TMEM182: variants seen among roughly 807,000 people sequenced by gnomAD.
TMEM182 encodes the protein transmembrane protein 182.
Under a neutral mutation model 26.8 loss-of-function variants are expected in TMEM182, and 20 were observed. That is an observed-to-expected ratio of 0.75 (90% confidence interval 0.53 to 1.09). TMEM182 has a LOEUF of 1.09. TMEM182 is among the 50% of genes least tolerant of loss of function. TMEM182 has a pLI of 0.00. For missense variants in TMEM182, 277 were observed against 275.5 expected (o/e 1.01, Z -0.04); for synonymous variants, 109 against 102.2 (o/e 1.07, Z -0.40).
intron 3 of TMEM182, among the ~76,000 whole-genome samples, chr2:102,774,921 T>C (rs1680846424): frequency 6.6e-6 from 1 of 152,228 alleles, no homozygotes; most frequent in African/African-American, 2.4e-5. Flanking sequence ...TTTAAAAAAA[T>C]TGTTTTACTT....
intron 3 of TMEM182, among the ~76,000 whole-genome samples, chr2:102,766,296 G>T (rs573443538): frequency 1.3e-5 from 2 of 152,278 alleles, no homozygotes; most frequent in African/African-American, 4.8e-5. Context: ...AAATTATACT[G>T]CAGTTACACT....
chr2:102,778,834 C>T (rs2732855), intron 3 of TMEM182, among the ~76,000 whole-genome samples: 85,427 of 151,892 alleles, frequency 0.56, 24,947 homozygotes, highest in African/African-American at 0.72. Context: ...GAGAACTGCA[C>T]GCAACATCTT....
rs145899800 is a variant in TMEM182 at position 102,824,023 on chromosome 2, G to A, written c.326-19389G>A. On this transcript the variant is annotated intron_variant, in intron 3 of 3. Transcript: ENST00000486293. ...AAAGTGCAGCTTATGAAAGAGAGGT[G>A]TGAAATAAAAGATTCAGAAAGAGGG... 2.1e-3 allele frequency among the ~76,000 whole-genome samples: 313 copies of A among 152,326 alleles called. 3 individuals carry two copies. The highest frequency in any genetic ancestry group is 7.2e-3 in the African/African-American group (299 of 41,572).
intron 3 of TMEM182, among the ~76,000 whole-genome samples, chr2:102,793,717 A>G (rs1031682870): frequency 1.3e-5 from 2 of 152,202 alleles, no homozygotes; most frequent in African/African-American, 4.8e-5. Flanking sequence ...TACAATTTGT[A>G]TGATTTTTAT....
chr2:102,813,827 G>A (rs146154928), intron 4 of TMEM182, among the ~76,000 whole-genome samples: 8 of 152,236 alleles, frequency 5.3e-5, no homozygotes, highest in South Asian at 2.1e-4. Flanking sequence ...TTACAGTTAC[G>A]TTGTAATTGT....
At chr2:102,813,938 TTCTC>T (rs1263493725) in intron 4 of TMEM182, among the ~76,000 whole-genome samples, 2 of 151,884 alleles carry the variant, frequency 1.3e-5, no homozygotes, top group African/African-American at 2.4e-5. Flanking sequence ...CCTTCCTTCA[TTCTC>T]TCTCTTTCTT....
upstream of TMEM182, among the ~76,000 whole-genome samples, chr2:102,761,494 A>G (rs536845176): frequency 6.6e-6 from 1 of 152,320 alleles, no homozygotes; most frequent in African/African-American, 2.4e-5. Context: ...GCTCTTCTTT[A>G]TACTTTCAAC....
chr2:102,811,058 CAAAAAAAAAA>C (rs10629082), intron 4 of TMEM182, among the ~76,000 whole-genome samples: 3 of 94,466 alleles, frequency 3.2e-5, no homozygotes, highest in Admixed American at 1.2e-4. Context: ...TCCTCTATAG[CAAAAAAAAAA>C]AAAAAAAAAA....
At chr2:102,758,538 A>G (rs1680113756), upstream of TMEM182, 1 of 715,516 alleles carries the variant, frequency 1.4e-6, no homozygotes, top group African/African-American at 1.7e-5. Context: ...GATGGTTTGA[A>G]AACATCTGTA....
At chr2:102,783,662 G>A (rs779056042) in intron 3 of TMEM182, among the ~76,000 whole-genome samples, 9 of 152,184 alleles carry the variant, frequency 5.9e-5, no homozygotes, top group Admixed American at 2.0e-4. Context: ...TGCTCTTTTA[G>A]TTCCAGCAAC....
chr2:102,789,750 C>A (rs116810398), intron 3 of TMEM182, among the ~76,000 whole-genome samples: 2,356 of 152,152 alleles, frequency 0.015, 68 homozygotes, highest in African/African-American at 0.054. Flanking sequence ...TCTTGAGTAC[C>A]CCCTGACACC....
At chr2:102,745,121 T>C (rs1679653556) in intron 1 of TMEM182, among the ~76,000 whole-genome samples, 1 of 151,940 alleles carries the variant, frequency 6.6e-6, no homozygotes, top group African/African-American at 2.4e-5. Context: ...CACTCTTTTT[T>C]CTTTATGTTT....
At chr2:102,786,217 T>G (rs1435349544) in intron 3 of TMEM182, among the ~76,000 whole-genome samples, 1 of 145,348 alleles carries the variant, frequency 6.9e-6, no homozygotes, top group South Asian at 2.3e-4. Flanking sequence ...TCTGTTTTTT[T>G]TTTTTTTTTT....
At chr2:102,780,409 A>G (rs971819361) in intron 3 of TMEM182, among the ~76,000 whole-genome samples, 1 of 151,952 alleles carries the variant, frequency 6.6e-6, no homozygotes, top group Non-Finnish European at 1.5e-5. Context: ...GCCTCCCATG[A>G]TGCTTCCTCT....
chr2:102,823,508 T>C (rs868493237), intron 3 of TMEM182, among the ~76,000 whole-genome samples: 10 of 151,816 alleles, frequency 6.6e-5, no homozygotes, highest in Non-Finnish European at 1.3e-4. Flanking sequence ...ATTTTTTGTA[T>C]TTTTTTAGTA....
chr2:102,813,911 T>TCCTTCCTC (rs1260540634), intron 4 of TMEM182, among the ~76,000 whole-genome samples: 3 of 151,882 alleles, frequency 2.0e-5, no homozygotes, highest in African/African-American at 4.8e-5. Flanking sequence ...CCTCCTTCCT[T>TCCTTCCTC]CCTTCCTCCC....
At chr2:102,759,543 A>T (rs762911156), upstream of TMEM182, among the ~76,000 whole-genome samples, 3 of 152,218 alleles carry the variant, frequency 2.0e-5, no homozygotes, top group Non-Finnish European at 4.4e-5. Flanking sequence ...ACTTCTGAAG[A>T]TGTATTCCCC....
Position 102,764,361 on chromosome 2 carries a change from G to A in TMEM182, c.265G>A (p.Ala89Thr), listed in dbSNP as rs767451890. The change falls in exon 3 of 5, where the codon GCT becomes ACT. Residue 89 changes from alanine (A) to threonine (T), a missense_variant. Ala to Thr is a moderately conservative substitution (Grantham distance 58). Coordinates refer to ENST00000412401, the MANE Select transcript of TMEM182 (RefSeq NM_144632.5). ...NQPPSKNCTH[A>T]YLSPYPFMRG... Reference sequence around the variant, plus strand: ...GCCACCGTCCAAGAACTGCACACATGCTTACCTGTCTCCGTACCCCTTCAT... The same window carrying A: ...GCCACCGTCCAAGAACTGCACACATACTTACCTGTCTCCGTACCCCTTCAT... 6 of 1,613,756 alleles carry A rather than the reference G, an allele frequency of 3.7e-6. No homozygotes were observed. The Admixed American group carries it at 8.3e-5, about 22-fold the overall frequency.
At chr2:102,814,619 C>T (rs906017584) in intron 4 of TMEM182, 129 bp from the exon 5 acceptor site, 14 of 747,636 alleles carry the variant, frequency 1.9e-5, no homozygotes, top group African/African-American at 5.3e-5. Flanking sequence ...AAAGGTCTGA[C>T]GTAGAGTATT....
Sources: allele counts gnomAD v4.1 joint callset (sites outside exome capture counted in the v4.1 genomes callset), GRCh38; gene constraint gnomAD v4.1.1; transcripts MANE v1.5; gene names NCBI Gene and HGNC (gene_info 2026-07-23, HGNC 2026-07-21).